GRIA1: variants seen among roughly 807,000 people sequenced by gnomAD.
GRIA1 encodes the protein glutamate receptor 1.
Under a neutral mutation model 99.2 loss-of-function variants are expected in GRIA1, and 31 were observed. The ratio of observed to expected loss-of-function variants is 0.31; its 90% CI spans 0.23 to 0.42. GRIA1 has a LOEUF of 0.42. Among genes scored for constraint, GRIA1 ranks in the 10% least tolerant of loss-of-function variants. GRIA1 has a pLI of 1.00. For synonymous variants in GRIA1, 438 were observed against 432.4 expected (o/e 1.01, Z -0.16); for missense variants, 782 against 1,157.5 (o/e 0.68, Z 4.71).
chr5:153,701,255 G>A (rs1758495874), intron 10 of GRIA1, among the ~76,000 whole-genome samples: 1 of 152,134 alleles, frequency 6.6e-6, no homozygotes, highest in Admixed American at 6.5e-5. Flanking sequence ...AGTTACCTAT[G>A]GGTGCCTCAG....
intron 2 of GRIA1, among the ~76,000 whole-genome samples, chr5:153,633,213 C>T (rs1443775566): frequency 1.3e-5 from 2 of 152,112 alleles, no homozygotes; most frequent in African/African-American, 2.4e-5. Flanking sequence ...AAATGCTTCC[C>T]CCAGTTTCAT....
At chr5:153,671,227 A>G (rs555716480) in intron 5 of GRIA1, among the ~76,000 whole-genome samples, 4 of 152,300 alleles carry the variant, frequency 2.6e-5, no homozygotes, top group African/African-American at 7.2e-5. Context: ...AAACTCGGCC[A>G]TTTCCTTTGG....
In GRIA1 at chr5:153,534,335, C is replaced by A. The variant is rs191424422; in HGVS notation, c.220+40270C>A. On this transcript the variant is annotated intron_variant, in intron 2 of 15. Coordinates refer to ENST00000285900, the MANE Select transcript of GRIA1 (RefSeq NM_000827.4). ...GCTGAAAGGCTGGCTGATAAATGCC[C>A]CTCTGGGGAGAAGGAACTGTGAAAT... Among the ~76,000 whole-genome samples, 8 of 152,128 alleles carry A rather than the reference C, an allele frequency of 5.3e-5. No homozygotes were observed. In the East Asian group the frequency reaches 1.5e-3, roughly 29 times the overall value.
intron 5 of GRIA1, among the ~76,000 whole-genome samples, chr5:153,669,186 A>G (rs1755969329): frequency 6.6e-6 from 1 of 152,232 alleles, no homozygotes; most frequent in African/African-American, 2.4e-5. Flanking sequence ...ATGTATATAA[A>G]GCATTTAACA....
intron 13 of GRIA1, among the ~76,000 whole-genome samples, chr5:153,780,654 G>A (rs1001977651): frequency 6.6e-6 from 1 of 152,050 alleles, no homozygotes; most frequent in Admixed American, 6.6e-5. Context: ...TCTTCCAATC[G>A]AGATCTTCCT....
At chr5:153,706,200 C>G in intron 11 of GRIA1, 133 bp downstream of exon 11, 1 of 878,896 alleles carries the variant, frequency 1.1e-6, no homozygotes, top group East Asian at 2.6e-5. Flanking sequence ...TTCAACTATT[C>G]TTTACAATCA....
chr5:153,689,088 G>A (rs1224109822), intron 8 of GRIA1, among the ~76,000 whole-genome samples: 5 of 151,444 alleles, frequency 3.3e-5, no homozygotes, highest in Non-Finnish European at 7.4e-5. Flanking sequence ...GAGTGCAGTG[G>A]TACTATCATA....
At chr5:153,732,301 A>G (rs1316333215) in intron 11 of GRIA1, among the ~76,000 whole-genome samples, 1 of 152,028 alleles carries the variant, frequency 6.6e-6, no homozygotes, top group Non-Finnish European at 1.5e-5. Context: ...GGCCCTTCAC[A>G]TTATTTGCTG....
At chr5:153,793,899 C>G (rs1243899937) in intron 13 of GRIA1, among the ~76,000 whole-genome samples, 3 of 152,208 alleles carry the variant, frequency 2.0e-5, no homozygotes, top group African/African-American at 7.2e-5. Context: ...TCTTTTAAGC[C>G]TAAACAGCAG....
At chr5:153,541,379 C>T (rs886248429) in intron 2 of GRIA1, among the ~76,000 whole-genome samples, 3 of 152,164 alleles carry the variant, frequency 2.0e-5, no homozygotes, top group South Asian at 2.1e-4. Context: ...ATTTGAAGGA[C>T]ACTATTTGTG....
chr5:153,701,487 G>A (rs1465114285), intron 10 of GRIA1, among the ~76,000 whole-genome samples: 6 of 151,630 alleles, frequency 4.0e-5, no homozygotes, highest in Middle Eastern at 3.2e-3. Flanking sequence ...GGTAGTGGGC[G>A]CCTGTAGTCC....
intron 11 of GRIA1, among the ~76,000 whole-genome samples, chr5:153,748,678 T>C (rs1355726018): frequency 1.3e-5 from 2 of 152,114 alleles, no homozygotes; most frequent in Non-Finnish European, 2.9e-5. Flanking sequence ...ATGATTGGAC[T>C]GGATGGGCTG....
At chr5:153,633,051 G>C (rs1311930830) in intron 2 of GRIA1, among the ~76,000 whole-genome samples, 1 of 152,202 alleles carries the variant, frequency 6.6e-6, no homozygotes. Context: ...ATGCATCTAT[G>C]TGGGTGGGGC....
At position 153,588,823 on chromosome 5, in the gene GRIA1, T is replaced by C. The variant is rs116512127; in HGVS notation, c.221-58105T>C. On this transcript the variant is annotated intron_variant, in intron 2 of 15. Transcript: ENST00000285900. ...ACTATTTCTATTGCTTAGAACAACT[T>C]CTTTCGCATCTATCCAAAATGTATA... is the stretch of plus-strand genomic sequence containing the variant. 4.5e-3 allele frequency among the ~76,000 whole-genome samples: 689 copies of C among 152,308 alleles called. 2 individuals are homozygous for C. Among genetic ancestry groups the C allele is most frequent in the African/African-American group, 0.016 (670 of 41,568 alleles).
chr5:153,522,502 C>T (rs1357278130), intron 2 of GRIA1, among the ~76,000 whole-genome samples: 1 of 152,102 alleles, frequency 6.6e-6, no homozygotes, highest in African/African-American at 2.4e-5. Context: ...TAACAAATGA[C>T]CCCCAAACTT....
At chr5:153,679,944 C>T (rs1445904331) in intron 7 of GRIA1, among the ~76,000 whole-genome samples, 1 of 152,162 alleles carries the variant, frequency 6.6e-6, no homozygotes, top group East Asian at 1.9e-4. Context: ...TAAACATTTA[C>T]ACATATTATA....
intron 2 of GRIA1, among the ~76,000 whole-genome samples, chr5:153,505,388 C>T (rs972360631): frequency 4.6e-5 from 7 of 152,168 alleles, no homozygotes; most frequent in African/African-American, 1.7e-4. Context: ...ATTAATGTCA[C>T]ATTTGGTCAT....
chr5:153,711,830 A>C (rs1390877267), intron 11 of GRIA1, among the ~76,000 whole-genome samples: 2 of 152,182 alleles, frequency 1.3e-5, no homozygotes, highest in African/African-American at 4.8e-5. Flanking sequence ...AGGAGGTTAG[A>C]GGGTGCTAGG....
chr5:153,600,151 G>A (rs763815086), intron 2 of GRIA1, among the ~76,000 whole-genome samples: 150 of 152,152 alleles, frequency 9.9e-4, no homozygotes, highest in Middle Eastern at 3.4e-3. Flanking sequence ...CAGCACTTTC[G>A]GAGGCCGAGG....
Sources: allele counts gnomAD v4.1 joint callset (sites outside exome capture counted in the v4.1 genomes callset), GRCh38; gene constraint gnomAD v4.1.1; transcripts MANE v1.5; gene names NCBI Gene and HGNC (gene_info 2026-07-23, HGNC 2026-07-21).